UCHL3: variants seen among roughly 807,000 people sequenced by gnomAD.
UCHL3 encodes ubiquitin C-terminal hydrolase L3, also known as ubiquitin carboxyl-terminal hydrolase isozyme L3.
Under a neutral mutation model 35.8 loss-of-function variants are expected in UCHL3, and 22 were observed. The ratio of observed to expected loss-of-function variants is 0.61; its 90% confidence interval spans 0.44 to 0.88. The LOEUF is 0.88. Ranked by LOEUF, UCHL3 falls within the 40% of genes least tolerant of loss-of-function variation. The pLI is 0.00. For synonymous variants in UCHL3, 90 were observed against 92.8 expected (o/e 0.97, Z 0.17); for missense variants, 229 against 276.9 (o/e 0.83, Z 1.23).
intron 6 of UCHL3, among the ~76,000 whole-genome samples, chr13:75,575,150 T>G (rs533535938): frequency 4.6e-5 from 7 of 152,334 alleles, no homozygotes; most frequent in African/African-American, 1.7e-4. Flanking sequence ...GAAAAATCTG[T>G]AAGTTGAGTC....
rs183379474 is a variant in UCHL3, at chr13:75,585,213, A to C, written c.475-9702A>C. On this transcript the variant is annotated intron_variant, in intron 6 of 8. Coordinates refer to ENST00000377595, the MANE Select transcript of UCHL3 (RefSeq NM_006002.5). ...GAATACCCTTATCCTCCAAAAAACA[A>C]ACACACATATATACCTACTGAGATA... is the stretch of plus-strand genomic sequence containing the variant. Among the ~76,000 whole-genome samples, 6 of 152,320 alleles carry C rather than the reference A, an allele frequency of 3.9e-5. No individual in the cohort carries two copies. The East Asian group carries it at 9.6e-4, about 24-fold the overall frequency.
intron 7 of UCHL3, 159 bp from the exon 8 acceptor site, chr13:75,604,610 A>G (rs1213035923): frequency 4.7e-6 from 2 of 429,958 alleles, no homozygotes; most frequent in Non-Finnish European, 8.0e-6. Flanking sequence ...TTAATAAAAA[A>G]TATTCATGGT....
Position 75,602,764 on chromosome 13 carries a change from C to T in UCHL3, c.551-2005C>T, listed in dbSNP as rs899110284. Among the ~76,000 whole-genome samples the T allele has an allele frequency of 2.9e-4, 44 of 152,038 alleles. 1 individual carries two copies. The highest frequency in any genetic ancestry group is 1.3e-4 in the Non-Finnish European group (9 of 68,004). ...TAGCTTAAAGGAGGCATTAAAAATA[C>T]ACTGAGGGCTGGATTTGGCCCATGG... On this transcript the variant is annotated intron_variant, in intron 7 of 8. Coordinates refer to ENST00000377595, the MANE Select transcript of UCHL3 (RefSeq NM_006002.5).
At chr13:75,562,115 A>G (rs1000442089) in intron 3 of UCHL3, among the ~76,000 whole-genome samples, 1 of 152,094 alleles carries the variant, frequency 6.6e-6, no homozygotes, top group African/African-American at 2.4e-5. Flanking sequence ...TCAGGACTAA[A>G]TGGAGCCAAA....
intron 7 of UCHL3, among the ~76,000 whole-genome samples, chr13:75,602,950 A>C (rs2032817021): frequency 6.6e-6 from 1 of 152,154 alleles, no homozygotes. Context: ...ATTCAAAGGA[A>C]AATTGCTCAC....
At chr13:75,561,802 C>T (rs1230060649) in intron 3 of UCHL3, among the ~76,000 whole-genome samples, 4 of 31,252 alleles carry the variant, frequency 1.3e-4, no homozygotes, top group African/African-American at 2.3e-4. Flanking sequence ...TATATGTATA[C>T]GTATACATAC....
At chr13:75,568,486 T>C (rs1482604813) in intron 5 of UCHL3, among the ~76,000 whole-genome samples, 2 of 151,788 alleles carry the variant, frequency 1.3e-5, no homozygotes, top group Admixed American at 1.3e-4. Context: ...TATATATATA[T>C]ACACAATTTT....
chr13:75,584,500 G>T (rs781752275), intron 6 of UCHL3, among the ~76,000 whole-genome samples: 1 of 152,154 alleles, frequency 6.6e-6, no homozygotes, highest in Non-Finnish European at 1.5e-5. Context: ...TCTTGACTAG[G>T]TTGGCTTATC....
At chr13:75,604,613 T>A (rs1593773543) in intron 7 of UCHL3, 156 bp from the exon 8 acceptor site, 2 of 433,596 alleles carry the variant, frequency 4.6e-6, no homozygotes. Flanking sequence ...ATAAAAAATA[T>A]TCATGGTAGC....
intron 6 of UCHL3, among the ~76,000 whole-genome samples, chr13:75,582,709 A>G (rs2032220116): frequency 6.6e-6 from 1 of 152,358 alleles, no homozygotes; most frequent in Non-Finnish European, 1.5e-5. Flanking sequence ...CTCAAGATTC[A>G]GCTCACAGTT....
At position 75,605,781 on chromosome 13, in the gene UCHL3, G is replaced by A; in HGVS notation, c.662G>A (p.Arg221Lys). ...ATGGAGCGCGACCCTGATGAACTAA[G>A]ATTTAATGCGATTGCTCTTTCTGCA... ...KFMERDPDEL[R>K]FNAIALSAA Residue 221 changes from arginine (R) to lysine (K), a missense_variant, in exon 9 of 9, where the codon AGA (arginine) becomes AAA (lysine). Arg to Lys is a conservative substitution (Grantham distance 26). Coordinates refer to ENST00000377595, the MANE Select transcript of UCHL3 (RefSeq NM_006002.5). The A allele has an allele frequency of 6.2e-7, 1 of 1,613,934 alleles. No individual in the cohort carries two copies. Among genetic ancestry groups the A allele is most frequent in the Non-Finnish European group, 8.5e-7 (1 of 1,179,974 alleles).
chr13:75,600,896 G>A (rs1047284888), intron 7 of UCHL3, among the ~76,000 whole-genome samples: 1 of 152,164 alleles, frequency 6.6e-6, no homozygotes, highest in Admixed American at 6.5e-5. Context: ...CACCATTTTA[G>A]ATGCCCTTAA....
At chr13:75,563,537 G>A (rs1159865629) in intron 3 of UCHL3, among the ~76,000 whole-genome samples, 1 of 152,156 alleles carries the variant, frequency 6.6e-6, no homozygotes, top group Non-Finnish European at 1.5e-5. Context: ...TTTACAACAT[G>A]ATATTGGGTT....
intron 6 of UCHL3, among the ~76,000 whole-genome samples, chr13:75,583,809 G>A (rs962664444): frequency 3.3e-5 from 5 of 152,188 alleles, no homozygotes; most frequent in African/African-American, 9.6e-5. Context: ...AAATTTATGG[G>A]TAATGAAACA....
At position 75,592,446 on chromosome 13, in the gene UCHL3, A is replaced by ATACATATATATATATGTATATATG. The variant is rs36133915; in HGVS notation, c.475-2467_475-2466insCATATATATATATGTATATATGTA. Among the ~76,000 whole-genome samples the ATACATATATATATATGTATATATG allele has an allele frequency of 3.7e-3, 265 of 71,080 alleles. 9 individuals are homozygous for ATACATATATATATATGTATATATG. Among genetic ancestry groups the ATACATATATATATATGTATATATG allele is most frequent in the East Asian group, 0.015 (34 of 2,308 alleles). 46.6% of individuals were successfully genotyped at this position (71,080 alleles called of 152,430 possible). A position where few individuals can be genotyped will look rare whatever the true frequency, so the allele number is the denominator to read the frequency against. On this transcript the variant is annotated intron_variant, in intron 6 of 8. Transcript: ENST00000377595. ...TATATATATATATATATATATATAT[A>ATACATATATATATATGTATATATG]TATATATATATATATATATATGAAG...
At chr13:75,598,612 A>G (rs184636351) in intron 7 of UCHL3, among the ~76,000 whole-genome samples, 25 of 152,280 alleles carry the variant, frequency 1.6e-4, no homozygotes, top group African/African-American at 6.0e-4. Context: ...AGGCCATCTG[A>G]TTTATCCTCA....
At chr13:75,603,811 G>C (rs1031098585) in intron 7 of UCHL3, among the ~76,000 whole-genome samples, 1 of 151,982 alleles carries the variant, frequency 6.6e-6, no homozygotes, top group Non-Finnish European at 1.5e-5. Context: ...TTTCCTAAAG[G>C]TTCTTAGAAA....
At chr13:75,560,120 C>T (rs2031443706) in intron 2 of UCHL3, among the ~76,000 whole-genome samples, 2 of 152,170 alleles carry the variant, frequency 1.3e-5, no homozygotes, top group African/African-American at 4.8e-5. Flanking sequence ...TCATACAATG[C>T]ATTAGATACA....
At chr13:75,592,453 T>TCCC (rs1186644424) in intron 6 of UCHL3, among the ~76,000 whole-genome samples, 1 of 102,186 alleles carries the variant, frequency 9.8e-6, no homozygotes. Context: ...TATATATATA[T>TCCC]ATATATATAT....
Sources: gnomAD v4.1 joint callset for allele counts (sites outside exome capture counted in the v4.1 genomes callset) on GRCh38, gnomAD v4.1.1 for gene constraint, MANE v1.5 for transcripts, NCBI Gene and HGNC (gene_info 2026-07-23, HGNC 2026-07-21) for gene names.